Variants in SHANK2 observed in about 807,000 individuals in gnomAD.
SHANK2 encodes SH3 and multiple ankyrin repeat domains 2, also known as SH3 and multiple ankyrin repeat domains protein 2.
SHANK2 carries 43 observed loss-of-function variants against 133.7 expected under a neutral mutation model. The observed-to-expected ratio is 0.32, with a 90% CI of 0.25 to 0.41. The LOEUF is 0.41. Ranked by LOEUF, SHANK2 falls within the 10% of genes least tolerant of loss-of-function variation. The pLI, the probability that SHANK2 is intolerant of heterozygous loss-of-function variation, is 1.00. For synonymous variants in SHANK2, 1,017 were observed against 952.8 expected (o/e 1.07, Z -1.24); for missense variants, 1,994 against 2,235.8 (o/e 0.89, Z 2.18).
chr11:71,119,374 G>C (rs1555101052), intron 3 of SHANK2, among the ~76,000 whole-genome samples: 1 of 152,162 alleles, frequency 6.6e-6, no homozygotes, highest in Non-Finnish European at 1.5e-5. Context: ...AAGGTCAGGA[G>C]ATCAAGACCA....
At chr11:71,179,126 C>A (rs1309048471) in intron 2 of SHANK2, among the ~76,000 whole-genome samples, 8 of 152,034 alleles carry the variant, frequency 5.3e-5, no homozygotes, top group Non-Finnish European at 1.0e-4. Context: ...TACCCCGATA[C>A]GAAAAAGAAA....
intron 17 of SHANK2, among the ~76,000 whole-genome samples, chr11:70,630,923 G>A (rs1000541566): frequency 2.0e-5 from 3 of 152,306 alleles, no homozygotes; most frequent in East Asian, 1.9e-4. Flanking sequence ...GGTGACCTGC[G>A]CATCCTGTGG....
intron 2 of SHANK2, among the ~76,000 whole-genome samples, chr11:71,215,864 A>G (rs1224792914): frequency 2.0e-5 from 3 of 152,188 alleles, no homozygotes; most frequent in Non-Finnish European, 4.4e-5. Context: ...CGCAGCACCT[A>G]CCACCACCTT....
intron 1 of SHANK2, among the ~76,000 whole-genome samples, chr11:71,243,652 G>A (rs1418044995): frequency 3.3e-5 from 5 of 152,182 alleles, no homozygotes; most frequent in African/African-American, 1.2e-4. Flanking sequence ...CTGAGATCAC[G>A]CCACTGCACT....
intron 3 of SHANK2, among the ~76,000 whole-genome samples, chr11:71,140,870 G>T (rs77623281): frequency 6.6e-6 from 1 of 152,190 alleles, no homozygotes; most frequent in Non-Finnish European, 1.5e-5. Context: ...CCTTCCTGCC[G>T]GGAATTCAAC....
rs114611304 is a variant in SHANK2 at position 71,105,704 on chromosome 11, C to T, written c.592+4237G>A. On this transcript the variant is annotated intron_variant, in intron 6 of 25. Coordinates refer to ENST00000601538, the MANE Select transcript of SHANK2 (RefSeq NM_012309.5). ...GAAGCTGATCTTTATGATACTGTGA[C>T]GGTGGATACAGGACATCTGGCAAAA... Among the ~76,000 whole-genome samples the T allele has an allele frequency of 6.9e-3, 1,043 of 151,432 alleles. 14 individuals carry two copies. Among genetic ancestry groups the T allele is most frequent in the African/African-American group, 0.024 (996 of 41,180 alleles).
At chr11:70,665,618 C>G (rs1487336177) in intron 15 of SHANK2, among the ~76,000 whole-genome samples, 1 of 152,206 alleles carries the variant, frequency 6.6e-6, no homozygotes, top group Non-Finnish European at 1.5e-5. Context: ...CCCCCACTCC[C>G]CACCCACCAT....
intron 2 of SHANK2, among the ~76,000 whole-genome samples, chr11:71,168,632 A>G (rs1490090433): frequency 6.6e-6 from 1 of 152,204 alleles, no homozygotes; most frequent in Admixed American, 6.5e-5. Context: ...AGACCAGCCC[A>G]GCCAACACAG....
intron 8 of SHANK2, among the ~76,000 whole-genome samples, chr11:71,087,246 G>A (rs1284112407): frequency 6.6e-6 from 1 of 152,178 alleles, no homozygotes; most frequent in Non-Finnish European, 1.5e-5. Flanking sequence ...CAGGGCTCCT[G>A]CCAGCCTCCA....
chr11:70,663,065 C>T (rs910285260), intron 15 of SHANK2, among the ~76,000 whole-genome samples: 7 of 152,092 alleles, frequency 4.6e-5, no homozygotes, highest in Admixed American at 3.9e-4. Flanking sequence ...GTGTGAGCCT[C>T]GGGGGTGAGG....
intron 2 of SHANK2, among the ~76,000 whole-genome samples, chr11:71,168,818 G>GGAGAGA (rs1427023374): frequency 2.0e-5 from 3 of 151,968 alleles, no homozygotes; most frequent in Non-Finnish European, 4.4e-5. Flanking sequence ...ATGGGGAGAG[G>GGAGAGA]GAGAGGGAGA....
chr11:70,645,270 G>A (rs1555007829), intron 17 of SHANK2, among the ~76,000 whole-genome samples: 2 of 152,004 alleles, frequency 1.3e-5, no homozygotes, highest in African/African-American at 4.8e-5. Flanking sequence ...AGCACACAAG[G>A]TACACACAAG....
intron 17 of SHANK2, among the ~76,000 whole-genome samples, chr11:70,592,324 G>C (rs2060335571): frequency 6.6e-6 from 1 of 152,184 alleles, no homozygotes; most frequent in Non-Finnish European, 1.5e-5. Flanking sequence ...GGCTGGCACT[G>C]TCTTTGGGTC....
intron 3 of SHANK2, among the ~76,000 whole-genome samples, chr11:71,143,797 C>G (rs1952597931): frequency 6.6e-6 from 1 of 151,958 alleles, no homozygotes; most frequent in African/African-American, 2.4e-5. Context: ...CCGTATTGAC[C>G]TATGGTCAAA....
At chr11:70,495,703 GC>G (rs1555156931) in intron 21 of SHANK2, 1 of 161,746 alleles carries the variant, frequency 6.2e-6, no homozygotes, top group Non-Finnish European at 1.4e-5. Context: ...TGAGGCCTGA[GC>G]GGGGTGCAGC....
At chr11:70,948,670 T>C (rs1950789883) in intron 10 of SHANK2, among the ~76,000 whole-genome samples, 1 of 152,202 alleles carries the variant, frequency 6.6e-6, no homozygotes, top group African/African-American at 2.4e-5. Flanking sequence ...AGGGGCGGGC[T>C]GCAGGGAGCG....
At chr11:70,776,062 C>G (rs1410559168) in intron 14 of SHANK2, among the ~76,000 whole-genome samples, 1 of 152,262 alleles carries the variant, frequency 6.6e-6, no homozygotes, top group African/African-American at 2.4e-5. Context: ...TGACCAGACC[C>G]AGACTTGGTG....
chr11:70,519,891 C>CA (rs2059309720), intron 17 of SHANK2, among the ~76,000 whole-genome samples: 1 of 150,772 alleles, frequency 6.6e-6, no homozygotes, highest in African/African-American at 2.4e-5. Flanking sequence ...CACAGGCATG[C>CA]ACCACCATGC....
At chr11:71,073,932 C>T (rs949429172) in intron 9 of SHANK2, among the ~76,000 whole-genome samples, 7 of 152,156 alleles carry the variant, frequency 4.6e-5, no homozygotes, top group African/African-American at 1.7e-4. Flanking sequence ...GACTCCAGAA[C>T]TGAACAGAGT....
Sources: allele counts gnomAD v4.1 joint callset (sites outside exome capture counted in the v4.1 genomes callset), GRCh38; gene constraint gnomAD v4.1.1; transcripts MANE v1.5; gene names NCBI Gene and HGNC (gene_info 2026-07-23, HGNC 2026-07-21).